JMY: variants seen among roughly 807,000 people sequenced by gnomAD.
JMY encodes junction-mediating and -regulatory protein.
A neutral mutation model predicts 103.3 loss-of-function variants in JMY; 46 were observed. The observed-to-expected ratio is 0.45, with a 90% CI of 0.35 to 0.57. JMY has a LOEUF of 0.57. JMY is among the 20% of genes least tolerant of loss of function. The pLI is 0.00. For missense variants in JMY, 1,238 were observed against 1,255.2 expected (o/e 0.99, Z 0.21); for synonymous variants, 526 against 489.3 (o/e 1.07, Z -0.99).
chr5:79,253,278 T>G (rs961531787), intron 1 of JMY, among the ~76,000 whole-genome samples: 1 of 152,152 alleles, frequency 6.6e-6, no homozygotes, highest in African/African-American at 2.4e-5. Flanking sequence ...ACCGTTATTT[T>G]TGATTGGTTC....
intron 2 of JMY, chr5:79,284,200 C>T: frequency 2.6e-6 from 4 of 1,557,940 alleles, no homozygotes; most frequent in Non-Finnish European, 2.6e-6. Context: ...CTCTCGTCCC[C>T]AGTGGCTTTT....
chr5:79,278,888 C>T (rs916589541), intron 2 of JMY, among the ~76,000 whole-genome samples: 10 of 151,914 alleles, frequency 6.6e-5, no homozygotes, highest in South Asian at 2.1e-4. Flanking sequence ...CTCGGCCTCC[C>T]GAAGTTCTGG....
In JMY at chr5:79,322,468, A is replaced by G. The variant is rs912505111; in HGVS notation, c.*866A>G. 3.9e-5 allele frequency: 6 copies of G among 152,364 alleles called. No homozygotes were observed. Among genetic ancestry groups the G allele is most frequent in the Non-Finnish European group, 8.8e-5 (6 of 68,040 alleles). 9.4% of individuals were successfully genotyped at this position (152,364 alleles called of 1,614,324 possible). A position where few individuals can be genotyped will look rare whatever the true frequency, so the allele number is the denominator to read the frequency against. Reference sequence around the variant, plus strand: ...CTTTCCTATTGAGAATCAAAAATCAAGATTCAATCATAGGGATGCAGATCT... The same window carrying G: ...CTTTCCTATTGAGAATCAAAAATCAGGATTCAATCATAGGGATGCAGATCT... On this transcript the variant is annotated 3_prime_UTR_variant, in exon 11 of 11. Coordinates refer to ENST00000396137, the MANE Select transcript of JMY (RefSeq NM_152405.5).
intron 7 of JMY, among the ~76,000 whole-genome samples, chr5:79,307,756 T>A (rs1314227482): frequency 1.3e-5 from 2 of 152,150 alleles, no homozygotes; most frequent in Admixed American, 1.3e-4. Flanking sequence ...TGCTCTTTTG[T>A]TTTTTGGAGT....
At position 79,300,457 on chromosome 5, in the gene JMY, A is replaced by G. The variant is rs937837595; in HGVS notation, c.1693+139A>G. On this transcript the variant is annotated intron_variant, in intron 5 of 10. Coordinates refer to ENST00000396137, the MANE Select transcript of JMY (RefSeq NM_152405.5). ...GATAGAGTGTGGGGGGGTGATTTCT[A>G]GCATTTATTGAGCACTTACTGTTTG... 16 of 850,350 alleles carry G rather than the reference A, an allele frequency of 1.9e-5. No individual in the cohort carries two copies. In the African/African-American group the frequency reaches 2.8e-4, roughly 15 times the overall value. 52.7% of individuals were successfully genotyped at this position (850,350 alleles called of 1,614,324 possible). A position where few individuals can be genotyped will look rare whatever the true frequency, so the allele number is the denominator to read the frequency against.
intron 2 of JMY, among the ~76,000 whole-genome samples, chr5:79,282,295 T>C (rs1746142253): frequency 6.6e-6 from 1 of 152,162 alleles, no homozygotes; most frequent in Non-Finnish European, 1.5e-5. Context: ...TTGGGTGGCT[T>C]AGGGGAAATT....
Position 79,277,915 on chromosome 5 carries a change from G to T in JMY, c.1038G>T (p.Leu346Phe). Residue 346 changes from leucine to phenylalanine, a missense_variant, in exon 2 of 11, where the codon TTG becomes TTT. Coordinates refer to ENST00000396137, the MANE Select transcript of JMY (RefSeq NM_152405.5). ...QRARKRIQEL[L>F]DKHKNTESMV... Reference sequence around the variant, plus strand: ...GAAACTGTCTTGTTCCACAGCTCTTGGATAAGCACAAGAATACAGAGAGCA... The same window carrying T: ...GAAACTGTCTTGTTCCACAGCTCTTTGATAAGCACAAGAATACAGAGAGCA... 1 of 1,609,396 alleles carries T rather than the reference G, an allele frequency of 6.2e-7. No individual in the cohort carries two copies. Among genetic ancestry groups the T allele is most frequent in the South Asian group, 1.1e-5 (1 of 90,442 alleles).
At position 79,287,904 on chromosome 5, in the gene JMY, C is replaced by T. The variant is rs571550828; in HGVS notation, c.1207-2217C>T. ...TTGAGAAGAACTTCTATTATAATAT[C>T]CTGAGTAAGGGATTTAAGTTTTGAC... On this transcript the variant is annotated intron_variant, in intron 2 of 10. Transcript: ENST00000396137. Among the ~76,000 whole-genome samples, 3 of 152,200 alleles carry T rather than the reference C, an allele frequency of 2.0e-5. No homozygotes were observed. In the South Asian group the frequency reaches 6.2e-4, roughly 32 times the overall value.
chr5:79,282,247 T>C (rs1037759097), intron 2 of JMY, among the ~76,000 whole-genome samples: 2 of 152,118 alleles, frequency 1.3e-5, no homozygotes, highest in Non-Finnish European at 2.9e-5. Context: ...AAATGATGAT[T>C]TTGATCTGTA....
intron 1 of JMY, 119 bp downstream of exon 1, chr5:79,237,801 C>A: frequency 2.3e-6 from 2 of 865,018 alleles, no homozygotes; most frequent in Non-Finnish European, 3.5e-6. Flanking sequence ...TCTGGACAAG[C>A]GGAAACCAAG....
intron 1 of JMY, among the ~76,000 whole-genome samples, chr5:79,276,890 C>T (rs910374575): frequency 2.6e-5 from 4 of 152,138 alleles, no homozygotes; most frequent in African/African-American, 9.7e-5. Context: ...CAGGCTTCAG[C>T]CACCATGCCT....
chr5:79,317,715 T>G (rs1294039810), intron 10 of JMY, among the ~76,000 whole-genome samples: 1 of 152,202 alleles, frequency 6.6e-6, no homozygotes, highest in Non-Finnish European at 1.5e-5. Flanking sequence ...TTTTTTATTT[T>G]AGAGACAGAG....
At chr5:79,312,382 T>A (rs998391848) in intron 7 of JMY, 21 bp from the exon 8 acceptor site, 2 of 1,387,724 alleles carry the variant, frequency 1.4e-6, no homozygotes, top group African/African-American at 2.9e-5. Flanking sequence ...CATAATGGAA[T>A]TATTATTAAT....
Position 79,316,062 on chromosome 5 carries a change from G to A in JMY, c.2722G>A (p.Val908Ile), listed in dbSNP as rs1333757970. 1.2e-6 allele frequency: 2 copies of A among 1,614,220 alleles called. No homozygotes were observed. Among genetic ancestry groups the A allele is most frequent in the Non-Finnish European group, 1.7e-6 (2 of 1,180,024 alleles). The change falls in exon 10 of 11, where the codon GTT becomes ATT. Residue 908 changes from valine to isoleucine, a missense_variant. Val to Ile is a conservative substitution (Grantham distance 29). Transcript: ENST00000396137. ...LKRGSFHLKK[V>I]EQRTLPPFPD... is the part of the protein sequence containing the mutation. ...GCGTGGTAGTTTTCATCTGAAAAAG[G>A]TTGAACAGCGAACTCTGCCTCCTTT...
Position 79,236,758 on chromosome 5 carries a change from C to A in JMY, c.108C>A (p.Asn36Lys). The A allele has an allele frequency of 6.6e-7, 1 of 1,510,984 alleles. No homozygotes were observed. The highest frequency in any genetic ancestry group is 1.3e-5 in the South Asian group (1 of 79,718). 93.6% of individuals were successfully genotyped at this position (1,510,984 alleles called of 1,614,324 possible). ...KHKFVFIVAW[N>K]EIEGKFAITC... ...AATTCGTCTTTATTGTGGCCTGGAA[C>A]GAGATTGAGGGCAAGTTTGCCATAA... Residue 36 changes from asparagine to lysine, a missense_variant, in exon 1 of 11, where the codon AAC becomes AAA. By Grantham distance (94) the Asn-to-Lys change is moderately conservative. Coordinates refer to ENST00000396137, the MANE Select transcript of JMY (RefSeq NM_152405.5).
chr5:79,246,586 A>G (rs985514289), intron 1 of JMY, among the ~76,000 whole-genome samples: 3 of 152,116 alleles, frequency 2.0e-5, no homozygotes, highest in Admixed American at 6.6e-5. Context: ...AGAGTGATTT[A>G]AAAATAGGTA....
intron 1 of JMY, among the ~76,000 whole-genome samples, chr5:79,263,350 C>T (rs74835634): frequency 6.6e-6 from 1 of 152,114 alleles, no homozygotes; most frequent in East Asian, 1.9e-4. Context: ...GACTCAGACC[C>T]AAGTATCCTT....
chr5:79,316,378 G>A (rs1747220570), intron 10 of JMY, 68 bp downstream of exon 10: 2 of 1,278,496 alleles, frequency 1.6e-6, no homozygotes, highest in Non-Finnish European at 2.1e-6. Flanking sequence ...TGAGGTTTGG[G>A]GTATTTTTTA....
Position 79,326,576 on chromosome 5 carries a change from TTA to T in JMY, c.*4978_*4979del, listed in dbSNP as rs1350976356. 2.6e-5 allele frequency: 4 copies of T among 152,194 alleles called. No homozygotes were observed. Among genetic ancestry groups the T allele is most frequent in the African/African-American group, 9.6e-5 (4 of 41,460 alleles). The allele number at this position is 152,194 out of a possible 1,614,324, so 9.4% of individuals were successfully genotyped here. On this transcript the variant is annotated 3_prime_UTR_variant, in exon 11 of 11. Transcript: ENST00000396137. ...TTGTTTCATTGAATTTCTCATTGTATTATATGTCTTTCCAAGTGTGCAAACTA... is the reference window on the plus strand; with the variant it reads ...TTGTTTCATTGAATTTCTCATTGTATTATGTCTTTCCAAGTGTGCAAACTA...
Sources: allele counts gnomAD v4.1 joint callset (sites outside exome capture counted in the v4.1 genomes callset), GRCh38; gene constraint gnomAD v4.1.1; transcripts MANE v1.5; gene names NCBI Gene and HGNC (gene_info 2026-07-23, HGNC 2026-07-21).